PPP2R5E: variants seen among roughly 807,000 people sequenced by gnomAD.
PPP2R5E encodes the protein serine/threonine-protein phosphatase 2A 56 kDa regulatory subunit epsilon isoform.
Under a neutral mutation model 65.3 loss-of-function variants are expected in PPP2R5E, and 4 were observed. That is an observed-to-expected ratio of 0.06 (90% confidence interval 0.03 to 0.14). The LOEUF is 0.14. Among genes scored for constraint, PPP2R5E ranks in the 10% least tolerant of loss-of-function variants. The pLI is 1.00. For missense variants in PPP2R5E, 274 were observed against 556.1 expected (o/e 0.49, Z 5.10); for synonymous variants, 183 against 187.4 (o/e 0.98, Z 0.19).
At chr14:63,391,762 G>A in intron 10 of PPP2R5E, 55 bp downstream of exon 10, 1 of 1,566,702 alleles carries the variant, frequency 6.4e-7, no homozygotes, top group Non-Finnish European at 8.8e-7. Context: ...CCAATCCTTG[G>A]CACTCAGCAA....
chr14:63,522,911 G>A (rs1893004272), intron 2 of PPP2R5E, among the ~76,000 whole-genome samples: 1 of 147,680 alleles, frequency 6.8e-6, no homozygotes, highest in South Asian at 2.2e-4. Context: ...AGGGAGGTCG[G>A]GGGGTCAGCC....
intron 3 of PPP2R5E, among the ~76,000 whole-genome samples, chr14:63,422,789 T>A (rs991261839): frequency 2.0e-5 from 3 of 148,060 alleles, no homozygotes; most frequent in Non-Finnish European, 4.5e-5. Flanking sequence ...GCTTCCCTTA[T>A]CAGGCTTATT....
At chr14:63,510,593 C>G (rs1007261410) in intron 2 of PPP2R5E, among the ~76,000 whole-genome samples, 1 of 152,160 alleles carries the variant, frequency 6.6e-6, no homozygotes, top group Non-Finnish European at 1.5e-5. Context: ...AAAGGAGACA[C>G]GCTGAGTATC....
chr14:63,482,487 T>C (rs918446799), intron 2 of PPP2R5E, among the ~76,000 whole-genome samples: 1 of 152,058 alleles, frequency 6.6e-6, no homozygotes, highest in Non-Finnish European at 1.5e-5. Flanking sequence ...AAAAAAACTG[T>C]TGCCATGAGT....
At chr14:63,504,072 C>A (rs988878603) in intron 2 of PPP2R5E, among the ~76,000 whole-genome samples, 2 of 152,158 alleles carry the variant, frequency 1.3e-5, no homozygotes, top group Admixed American at 1.3e-4. Context: ...GAATCACTCT[C>A]TAAACTACTT....
intron 2 of PPP2R5E, among the ~76,000 whole-genome samples, chr14:63,466,437 A>T (rs143313465): frequency 6.6e-6 from 1 of 152,182 alleles, no homozygotes; most frequent in African/African-American, 2.4e-5. Flanking sequence ...AGAGTAATAA[A>T]GAGTGTAAAT....
chr14:63,440,948 C>CAAAAAAAAAAAAAA (rs374563795), intron 3 of PPP2R5E, among the ~76,000 whole-genome samples: 1 of 67,640 alleles, frequency 1.5e-5, no homozygotes, highest in Non-Finnish European at 2.9e-5. Flanking sequence ...GACTCCATCT[C>CAAAAAAAAAAAAAA]AAAAAAAAAA....
chr14:63,481,847 C>T (rs80050049), intron 2 of PPP2R5E, among the ~76,000 whole-genome samples: 1,630 of 152,104 alleles, frequency 0.011, 28 homozygotes, highest in African/African-American at 0.036. Flanking sequence ...ATAAGACTTT[C>T]GAGTCTAAAA....
chr14:63,403,851 C>T (rs1240843185), intron 5 of PPP2R5E, among the ~76,000 whole-genome samples: 2 of 151,676 alleles, frequency 1.3e-5, no homozygotes, highest in African/African-American at 4.8e-5. Context: ...GAATGAACAA[C>T]ATGTATACAA....
chr14:63,541,164 T>G (rs1462851442), intron 1 of PPP2R5E, among the ~76,000 whole-genome samples: 2 of 152,200 alleles, frequency 1.3e-5, no homozygotes, highest in Non-Finnish European at 2.9e-5. Flanking sequence ...ACACTGCAAA[T>G]GAGGACAGGC....
intron 2 of PPP2R5E, among the ~76,000 whole-genome samples, chr14:63,512,608 C>A (rs189438144): frequency 1.3e-3 from 199 of 152,218 alleles, no homozygotes; most frequent in African/African-American, 4.3e-3. Context: ...GTGAAAACTT[C>A]CACTCCTATT....
In PPP2R5E at chr14:63,374,939, G is replaced by A. The variant is rs939673986; in HGVS notation, c.*1070C>T. On this transcript the variant is annotated 3_prime_UTR_variant, in exon 14 of 14. Transcript: ENST00000337537. ...CTGGCGCTGTGATGAGATATAGAAC[G>A]AGAATCTACAAAAAACACTGTAACA... 3.3e-5 allele frequency: 5 copies of A among 152,230 alleles called. No homozygotes were observed. The highest frequency in any genetic ancestry group is 7.2e-5 in the African/African-American group (3 of 41,412). 9.4% of individuals were successfully genotyped at this position (152,230 alleles called of 1,614,324 possible).
chr14:63,538,414 G>C (rs1208281279), intron 2 of PPP2R5E, among the ~76,000 whole-genome samples: 1 of 151,528 alleles, frequency 6.6e-6, no homozygotes, highest in Non-Finnish European at 1.5e-5. Context: ...TGCCACCACC[G>C]CGCCTAATTT....
chr14:63,428,009 T>G (rs1887433134), intron 3 of PPP2R5E, among the ~76,000 whole-genome samples: 1 of 152,152 alleles, frequency 6.6e-6, no homozygotes, highest in Non-Finnish European at 1.5e-5. Context: ...CATTTCTTTT[T>G]AACATTTTTA....
At chr14:63,460,102 G>A (rs1181061092) in intron 2 of PPP2R5E, among the ~76,000 whole-genome samples, 8 of 152,088 alleles carry the variant, frequency 5.3e-5, no homozygotes, top group Non-Finnish European at 1.2e-4. Flanking sequence ...TGAAGGTGTG[G>A]GTATTGACTG....
chr14:63,521,881 T>C (rs936051467), intron 2 of PPP2R5E, among the ~76,000 whole-genome samples: 1 of 151,888 alleles, frequency 6.6e-6, no homozygotes, highest in Admixed American at 6.6e-5. Flanking sequence ...CCTGAAAAAT[T>C]AATTTGATGA....
intron 2 of PPP2R5E, among the ~76,000 whole-genome samples, chr14:63,476,478 C>G (rs1263187835): frequency 2.0e-5 from 3 of 152,046 alleles, no homozygotes; most frequent in African/African-American, 7.2e-5. Flanking sequence ...ACAAAAAGAC[C>G]ACTCCTCCTT....
chr14:63,396,447 G>A (rs896104501), intron 6 of PPP2R5E, 139 bp downstream of exon 6: 57 of 1,107,684 alleles, frequency 5.1e-5, no homozygotes, highest in Non-Finnish European at 6.6e-5. Context: ...AGAGGCAGGA[G>A]AGTCAGTAGA....
chr14:63,484,343 T>TCACACACA (rs1156834992), intron 2 of PPP2R5E, among the ~76,000 whole-genome samples: 16 of 133,338 alleles, frequency 1.2e-4, no homozygotes, highest in African/African-American at 4.9e-4. Flanking sequence ...TTTCTCTCTC[T>TCACACACA]CTCTCACACA....
Sources: gnomAD v4.1 joint callset for allele counts (sites outside exome capture counted in the v4.1 genomes callset) on GRCh38, gnomAD v4.1.1 for gene constraint, MANE v1.5 for transcripts, NCBI Gene and HGNC (gene_info 2026-07-23, HGNC 2026-07-21) for gene names.